Variants in MTHFD2L observed in about 807,000 individuals in gnomAD.
The protein encoded by MTHFD2L is bifunctional methylenetetrahydrofolate dehydrogenase/cyclohydrolase 2, mitochondrial.
MTHFD2L carries 29 observed loss-of-function variants against 34.9 expected under a neutral mutation model. The ratio of observed to expected loss-of-function variants is 0.83; its 90% CI spans 0.62 to 1.13. The LOEUF is 1.13. Among genes scored for constraint, MTHFD2L ranks in the 50% most tolerant of loss-of-function variants. The pLI is 0.00. For missense variants in MTHFD2L, 481 were observed against 446.5 expected (o/e 1.08, Z -0.70); for synonymous variants, 167 against 155.7 (o/e 1.07, Z -0.54).
intron 6 of MTHFD2L, among the ~76,000 whole-genome samples, chr4:74,249,993 G>T (rs889973181): frequency 3.0e-5 from 4 of 134,922 alleles, no homozygotes; most frequent in African/African-American, 1.1e-4. Context: ...TCTTTGTGGC[G>T]TTCTGTGTAT....
intron 1 of MTHFD2L, among the ~76,000 whole-genome samples, chr4:74,166,285 C>T (rs1726682402): frequency 6.6e-6 from 1 of 152,168 alleles, no homozygotes; most frequent in African/African-American, 2.4e-5. Flanking sequence ...GCCAGCAGTC[C>T]TTGGTGTTCC....
intron 5 of MTHFD2L, among the ~76,000 whole-genome samples, chr4:74,223,915 C>G (rs1738675066): frequency 6.6e-6 from 1 of 152,104 alleles, no homozygotes; most frequent in Non-Finnish European, 1.5e-5. Context: ...CCACTAGAAT[C>G]AGAACAGCTT....
At chr4:74,150,753 A>G (rs569672660) in intron 1 of MTHFD2L, among the ~76,000 whole-genome samples, 1 of 152,314 alleles carries the variant, frequency 6.6e-6, no homozygotes, top group South Asian at 2.1e-4. Flanking sequence ...ATACAGGTAT[A>G]CATGTGTATA....
chr4:74,297,618 A>G (rs1397616659), intron 7 of MTHFD2L, among the ~76,000 whole-genome samples: 1 of 152,062 alleles, frequency 6.6e-6, no homozygotes, highest in Non-Finnish European at 1.5e-5. Context: ...TAAAAGCATC[A>G]TCTTCAGCCA....
intron 3 of MTHFD2L, among the ~76,000 whole-genome samples, chr4:74,188,432 C>G (rs1731745261): frequency 6.6e-6 from 1 of 152,112 alleles, no homozygotes; most frequent in South Asian, 2.1e-4. Context: ...CACAAGGGCC[C>G]TACCCTCATG....
intron 1 of MTHFD2L, among the ~76,000 whole-genome samples, chr4:74,165,391 C>G (rs1358019605): frequency 6.6e-6 from 1 of 152,096 alleles, no homozygotes; most frequent in African/African-American, 2.4e-5. Flanking sequence ...CAGAGTCTTT[C>G]TCTGTCACCC....
rs560028763 is a variant in MTHFD2L at position 74,227,414 on chromosome 4, T to C, written c.805+2020T>C. Among the ~76,000 whole-genome samples, 12 of 151,068 alleles carry C rather than the reference T, an allele frequency of 7.9e-5. No homozygotes were observed. The South Asian group carries it at 2.3e-3, about 29-fold the overall frequency. On this transcript the variant is annotated intron_variant, in intron 6 of 7. Coordinates refer to ENST00000325278, the MANE Select transcript of MTHFD2L (RefSeq NM_001144978.3). Reference sequence around the variant, plus strand: ...CGCTGTAAAAATTATTTCATTACTATATGGGGTGGATTCTGTTTCCCATGG... The same window carrying C: ...CGCTGTAAAAATTATTTCATTACTACATGGGGTGGATTCTGTTTCCCATGG...
At chr4:74,218,494 C>G (rs1407416514) in intron 5 of MTHFD2L, among the ~76,000 whole-genome samples, 2 of 151,972 alleles carry the variant, frequency 1.3e-5, no homozygotes, top group East Asian at 3.9e-4. Flanking sequence ...GGCCAAGACA[C>G]AACCAGAGAA....
At chr4:74,270,346 G>A (rs908665177) in intron 6 of MTHFD2L, among the ~76,000 whole-genome samples, 2 of 151,766 alleles carry the variant, frequency 1.3e-5, no homozygotes, top group African/African-American at 4.8e-5. Context: ...ACAGGCCCCG[G>A]TGTGCGATGT....
intron 5 of MTHFD2L, among the ~76,000 whole-genome samples, chr4:74,213,413 C>T (rs1407878428): frequency 6.6e-6 from 1 of 152,136 alleles, no homozygotes; most frequent in Non-Finnish European, 1.5e-5. Flanking sequence ...AATCTCTCAG[C>T]ATTTGCTTAT....
intron 6 of MTHFD2L, among the ~76,000 whole-genome samples, chr4:74,230,159 A>C (rs537136109): frequency 6.6e-6 from 1 of 152,316 alleles, no homozygotes; most frequent in Admixed American, 6.5e-5. Context: ...TTTGGGAACT[A>C]CCAAATTATT....
At chr4:74,159,716 C>T (rs1398215426) in intron 1 of MTHFD2L, among the ~76,000 whole-genome samples, 1 of 152,170 alleles carries the variant, frequency 6.6e-6, no homozygotes, top group East Asian at 1.9e-4. Context: ...ACATAATGAC[C>T]TCTTTATAAT....
chr4:74,285,733 C>G (rs1748092133), intron 7 of MTHFD2L, among the ~76,000 whole-genome samples: 1 of 152,282 alleles, frequency 6.6e-6, no homozygotes, highest in African/African-American at 2.4e-5. Context: ...TTGCTTTGCA[C>G]TGTTTCAACA....
intron 5 of MTHFD2L, among the ~76,000 whole-genome samples, chr4:74,215,545 A>G (rs1737063532): frequency 6.6e-6 from 1 of 151,334 alleles, no homozygotes; most frequent in African/African-American, 2.4e-5. Context: ...AACCAGTCCC[A>G]ATGAGATGAG....
At chr4:74,185,382 G>T (rs139624964) in intron 3 of MTHFD2L, among the ~76,000 whole-genome samples, 31 of 151,892 alleles carry the variant, frequency 2.0e-4, no homozygotes, top group African/African-American at 6.8e-4. Flanking sequence ...AGAAAAAAAG[G>T]TCAGAAATCA....
chr4:74,238,971 G>C (rs144559829), intron 6 of MTHFD2L, among the ~76,000 whole-genome samples: 2,583 of 152,222 alleles, frequency 0.017, 75 homozygotes, highest in African/African-American at 0.057. Context: ...TTGACCCAGC[G>C]ATCCCATTAC....
At chr4:74,159,117 G>A (rs1383161787) in intron 1 of MTHFD2L, among the ~76,000 whole-genome samples, 1 of 152,170 alleles carries the variant, frequency 6.6e-6, no homozygotes, top group Non-Finnish European at 1.5e-5. Context: ...GCAATGACTG[G>A]TAACGTGGAA....
chr4:74,267,177 G>T, intron 6 of MTHFD2L: 2 of 985,030 alleles, frequency 2.0e-6, no homozygotes, highest in East Asian at 1.1e-4. Flanking sequence ...TAACATGACA[G>T]TTGGTAATAT....
rs577526721 is a variant in MTHFD2L, at chr4:74,175,937, T to C, written c.451+534T>C. 6.9e-4 allele frequency among the ~76,000 whole-genome samples: 105 copies of C among 152,176 alleles called. 1 individual carries two copies. The highest frequency in any genetic ancestry group is 1.2e-3 in the Non-Finnish European group (84 of 67,948). On this transcript the variant is annotated intron_variant, in intron 3 of 7. Coordinates refer to ENST00000325278, the MANE Select transcript of MTHFD2L (RefSeq NM_001144978.3). ...GTCTTCTGTCTAATTCTATAACTTA[T>C]CATATGGAATGGGCATCTTTTCTAT...
Sources: allele counts gnomAD v4.1 joint callset (sites outside exome capture counted in the v4.1 genomes callset), GRCh38; gene constraint gnomAD v4.1.1; transcripts MANE v1.5; gene names NCBI Gene and HGNC (gene_info 2026-07-23, HGNC 2026-07-21).